PRR5: variants seen among roughly 807,000 people sequenced by gnomAD.
PRR5 encodes the protein proline rich 5, also known as proline-rich protein 5.
A neutral mutation model predicts 30.6 loss-of-function variants in PRR5; 25 were observed. The ratio of observed to expected loss-of-function variants is 0.82; its 90% CI spans 0.60 to 1.14. PRR5 has a LOEUF of 1.14. Ranked by LOEUF, PRR5 falls within the 50% of genes most tolerant of loss-of-function variation. The pLI is 0.00. For missense variants in PRR5, 600 were observed against 547.1 expected, an observed-to-expected ratio of 1.10 and a Z score of -0.96; for synonymous variants, 286 against 247.1, an observed-to-expected ratio of 1.16 and a Z score of -1.48.
Position 44,737,016 on chromosome 22 carries a change from GC to G in PRR5, c.940del (p.His314ThrfsTer86). 1 of 1,600,328 alleles carries G rather than the reference GC, an allele frequency of 6.2e-7. No homozygotes were observed. ...CCGGGACCTTCAGGTCCTCCCCGGCGCCCCACTCAGGGCCCTGCCCCAGCAG... is the reference window on the plus strand; with the variant it reads ...CCGGGACCTTCAGGTCCTCCCCGGCGCCCACTCAGGGCCCTGCCCCAGCAG... ...PTGTFRSSPA[P>X]HSGPCPSRLY... is the part of the protein sequence containing the mutation. On this transcript the variant is annotated frameshift_variant, in exon 8 of 8. Coordinates refer to ENST00000336985, the MANE Select transcript of PRR5 (RefSeq NM_181333.4). LOFTEE classifies it low-confidence loss of function (END_TRUNC).
intron 6 of PRR5, among the ~76,000 whole-genome samples, chr22:44,733,739 G>A (rs1046516423): frequency 6.6e-6 from 1 of 152,302 alleles, no homozygotes; most frequent in South Asian, 2.1e-4. Context: ...GGGGTCCCCT[G>A]TGTTAGTGTA....
At chr22:44,675,634 T>G (rs1459582888), upstream of PRR5, among the ~76,000 whole-genome samples, 1 of 152,128 alleles carries the variant, frequency 6.6e-6, no homozygotes, top group Non-Finnish European at 1.5e-5. Context: ...CCTGCTCTGC[T>G]GTCAAATGGG....
intron 1 of PRR5, among the ~76,000 whole-genome samples, chr22:44,669,458 G>C (rs1269027450): frequency 6.6e-6 from 1 of 152,186 alleles, no homozygotes; most frequent in Non-Finnish European, 1.5e-5. Context: ...GGGCTGGAGC[G>C]CTTAGTGGTC....
intron 1 of PRR5, among the ~76,000 whole-genome samples, chr22:44,712,202 C>G (rs539383943): frequency 9.2e-5 from 14 of 152,274 alleles, no homozygotes; most frequent in East Asian, 1.9e-4. Flanking sequence ...CCCGTGTCCC[C>G]AGACACGGGA....
chr22:44,724,507 A>C (rs955123105), intron 2 of PRR5, among the ~76,000 whole-genome samples: 2 of 152,244 alleles, frequency 1.3e-5, no homozygotes, highest in Non-Finnish European at 2.9e-5. Context: ...TATTTGGTTC[A>C]GAAGACTGTT....
intron 1 of PRR5, among the ~76,000 whole-genome samples, chr22:44,680,833 G>A (rs1924211807): frequency 6.6e-6 from 1 of 152,246 alleles, no homozygotes; most frequent in African/African-American, 2.4e-5. Context: ...TGGTGGCAGT[G>A]TGTGACAGAG....
At chr22:44,725,508 T>C (rs544657578) in intron 3 of PRR5, among the ~76,000 whole-genome samples, 48 of 152,368 alleles carry the variant, frequency 3.2e-4, no homozygotes, top group African/African-American at 1.1e-3. Flanking sequence ...TCTCACTCTG[T>C]CATCCAGGCT....
At chr22:44,698,622 G>A (rs1047639708), upstream of PRR5, among the ~76,000 whole-genome samples, 1 of 152,134 alleles carries the variant, frequency 6.6e-6, no homozygotes, top group African/African-American at 2.4e-5. Context: ...GCACCTGGAG[G>A]CCTTGTGCCT....
intron 1 of PRR5, among the ~76,000 whole-genome samples, chr22:44,692,159 CT>C (rs933249419): frequency 6.6e-6 from 1 of 151,918 alleles, no homozygotes; most frequent in African/African-American, 2.4e-5. Flanking sequence ...CCACACCCGT[CT>C]CCTCCTCCTC....
upstream of PRR5, chr22:44,702,179 T>TCCGCCCCCGGGTCCGCCCCC (rs1926398285): frequency 1.2e-6 from 1 of 841,624 alleles, no homozygotes; most frequent in Admixed American, 8.3e-5. Flanking sequence ...GACCCGCCCC[T>TCCGCCCCCGGGTCCGCCCCC]GGGCCCGCCC....
chr22:44,735,178 G>T lies in PRR5; in HGVS notation c.691+16G>T. ...TGCATCCTGGGTAGGGGTCCGCCTGGGCCTTGGGCTGGGGCAGGGGTGACC... is the reference window on the plus strand; with the variant it reads ...TGCATCCTGGGTAGGGGTCCGCCTGTGCCTTGGGCTGGGGCAGGGGTGACC... On this transcript the variant is annotated intron_variant, in intron 7 of 7. Coordinates refer to ENST00000336985, the MANE Select transcript of PRR5 (RefSeq NM_181333.4). 1 of 1,609,852 alleles carries T rather than the reference G, an allele frequency of 6.2e-7. No homozygotes were observed. The highest frequency in any genetic ancestry group is 8.5e-7 in the Non-Finnish European group (1 of 1,178,550).
intron 1 of PRR5, among the ~76,000 whole-genome samples, chr22:44,681,516 A>G (rs1924281602): frequency 1.3e-5 from 2 of 152,018 alleles, no homozygotes; most frequent in Admixed American, 6.6e-5. Flanking sequence ...TGAAACCGGA[A>G]GGCAGAGGTT....
rs1926436073 is a variant in PRR5, at chr22:44,702,282, G to A, written c.-193G>A. 8.7e-7 allele frequency: 1 copy of A among 1,145,972 alleles called. No homozygotes were observed. Among genetic ancestry groups the A allele is most frequent in the East Asian group, 4.1e-5 (1 of 24,606 alleles). 71.0% of individuals were successfully genotyped at this position (1,145,972 alleles called of 1,614,324 possible). ...AGCCTCTCCGTGCAATGATTAACCC[G>A]GCGGGGCGGCCGGCGCGGGACCCGA... On this transcript the variant is annotated 5_prime_UTR_variant, in exon 1 of 8. Coordinates refer to ENST00000336985, the MANE Select transcript of PRR5 (RefSeq NM_181333.4).
chr22:44,735,190 G>C (rs1922985322), intron 7 of PRR5, 28 bp downstream of exon 7: 1 of 1,603,102 alleles, frequency 6.2e-7, no homozygotes, highest in South Asian at 1.1e-5. Context: ...CCTTGGGCTG[G>C]GGCAGGGGTG....
intron 4 of PRR5, among the ~76,000 whole-genome samples, chr22:44,727,572 G>C (rs1026646293): frequency 6.6e-6 from 1 of 152,186 alleles, no homozygotes; most frequent in South Asian, 2.1e-4. Context: ...AGTGAGGCAC[G>C]GTGTCCTGCC....
chr22:44,711,380 T>C (rs8142512), intron 1 of PRR5, among the ~76,000 whole-genome samples: 151,586 of 152,310 alleles, frequency 1, 75,435 homozygotes, highest in East Asian at 1. Context: ...CAGGGCAGCT[T>C]CAGCCTGGGG....
At chr22:44,697,440 G>T (rs573379042), upstream of PRR5, among the ~76,000 whole-genome samples, 2 of 152,390 alleles carry the variant, frequency 1.3e-5, no homozygotes, top group Non-Finnish European at 2.9e-5. Flanking sequence ...GGCAGAGACT[G>T]TGGGGACAGA....
At chr22:44,679,731 G>GT (rs1924089731) in intron 1 of PRR5, 1 of 1,314,792 alleles carries the variant, frequency 7.6e-7, no homozygotes, top group East Asian at 2.5e-5. Flanking sequence ...AACAATAATA[G>GT]TAAGACTCAG....
intron 1 of PRR5, chr22:44,679,754 G>A (rs1199926428): frequency 1.3e-6 from 2 of 1,502,944 alleles, no homozygotes; most frequent in South Asian, 2.4e-5. Flanking sequence ...TCCCCGCTCT[G>A]GGACACTCAG....
Sources: gnomAD v4.1 joint callset for allele counts (sites outside exome capture counted in the v4.1 genomes callset) on GRCh38, gnomAD v4.1.1 for gene constraint, MANE v1.5 for transcripts, NCBI Gene and HGNC (gene_info 2026-07-23, HGNC 2026-07-21) for gene names.